The following DACH1 variants were observed in gnomAD, a reference collection of about 807,000 sequenced individuals.
DACH1 encodes dachshund family transcription factor 1.
A neutral mutation model predicts 54.2 loss-of-function variants in DACH1; 12 were observed. The ratio of observed to expected loss-of-function variants is 0.22; its 90% CI spans 0.14 to 0.36. DACH1 has a LOEUF of 0.36. Among genes scored for constraint, DACH1 ranks in the 10% least tolerant of loss-of-function variants. The probability of loss-of-function intolerance (pLI) is 1.00; values close to 1 mark genes in which losing one functional copy is unlikely to be tolerated. For missense variants in DACH1, 805 were observed against 929.8 expected (o/e 0.87, Z 1.75); for synonymous variants, 386 against 366.2 (o/e 1.05, Z -0.62).
intron 3 of DACH1, 138 bp from the exon 4 acceptor site, chr13:71,573,150 C>A: frequency 1.2e-6 from 1 of 801,686 alleles, no homozygotes. Flanking sequence ...TCACTTACTA[C>A]TCAGGGAAAC....
At chr13:71,558,346 T>C (rs943699667) in intron 5 of DACH1, among the ~76,000 whole-genome samples, 1 of 152,022 alleles carries the variant, frequency 6.6e-6, no homozygotes, top group African/African-American at 2.4e-5. Context: ...TACATATATA[T>C]GTATGTGTGT....
At chr13:71,533,200 T>C (rs1053335767) in intron 6 of DACH1, among the ~76,000 whole-genome samples, 3 of 151,896 alleles carry the variant, frequency 2.0e-5, no homozygotes, top group African/African-American at 4.8e-5. Context: ...TCAAAGCGTA[T>C]AAGATTTTTT....
intron 6 of DACH1, among the ~76,000 whole-genome samples, chr13:71,544,876 C>T (rs532097319): frequency 6.6e-6 from 1 of 151,936 alleles, no homozygotes; most frequent in Non-Finnish European, 1.5e-5. Flanking sequence ...AATCCAAGTC[C>T]TATGGATAGA....
intron 1 of DACH1, among the ~76,000 whole-genome samples, chr13:71,729,548 C>T (rs1451621254): frequency 6.6e-6 from 1 of 152,028 alleles, no homozygotes; most frequent in African/African-American, 2.4e-5. Flanking sequence ...CACTCTCTTG[C>T]TAGCATACTG....
chr13:71,604,945 G>C (rs1189241554), intron 3 of DACH1, among the ~76,000 whole-genome samples: 1 of 151,582 alleles, frequency 6.6e-6, no homozygotes, highest in Non-Finnish European at 1.5e-5. Flanking sequence ...ACTTCTCTTG[G>C]TCTCAGTTGT....
At chr13:71,641,070 A>G (rs189284800) in intron 2 of DACH1, among the ~76,000 whole-genome samples, 1 of 152,030 alleles carries the variant, frequency 6.6e-6, no homozygotes. Context: ...ACAAAAAAAA[A>G]CAAAAGAGGT....
At chr13:71,764,864 T>C (rs192659025) in intron 1 of DACH1, among the ~76,000 whole-genome samples, 2 of 152,378 alleles carry the variant, frequency 1.3e-5, no homozygotes, top group Admixed American at 1.3e-4. Flanking sequence ...GATTGGTCTT[T>C]GGACTTTGGA....
At chr13:71,802,775 CA>C in intron 1 of DACH1, among the ~76,000 whole-genome samples, 1 of 150,956 alleles carries the variant, frequency 6.6e-6, no homozygotes, top group South Asian at 2.2e-4. Flanking sequence ...CAAACACACT[CA>C]AAATGCAAAA....
At chr13:71,766,520 A>G (rs1020228649) in intron 1 of DACH1, among the ~76,000 whole-genome samples, 1 of 152,198 alleles carries the variant, frequency 6.6e-6, no homozygotes, top group Non-Finnish European at 1.5e-5. Flanking sequence ...AGTGATTGTA[A>G]CTATTTCTCC....
intron 6 of DACH1, among the ~76,000 whole-genome samples, chr13:71,515,447 A>G (rs1022353512): frequency 4.6e-5 from 7 of 151,938 alleles, no homozygotes; most frequent in Non-Finnish European, 7.4e-5. Context: ...TGTCTTAACT[A>G]TGTTCTTTCT....
intron 9 of DACH1, 25 bp from the exon 10 acceptor site, chr13:71,475,234 G>A (rs368863112): frequency 6.3e-7 from 1 of 1,593,904 alleles, no homozygotes; most frequent in Non-Finnish European, 8.6e-7. Context: ...AGGTAAGAGT[G>A]ACACATATTT....
chr13:71,837,660 T>A (rs1362658416), intron 1 of DACH1, among the ~76,000 whole-genome samples: 1 of 151,836 alleles, frequency 6.6e-6, no homozygotes, highest in East Asian at 2.0e-4. Flanking sequence ...AGAATCCCAT[T>A]ACTGGGTATA....
chr13:71,587,020 C>T (rs561478661), intron 3 of DACH1, among the ~76,000 whole-genome samples: 1 of 152,152 alleles, frequency 6.6e-6, no homozygotes, highest in Non-Finnish European at 1.5e-5. Context: ...TCAAGCAGGT[C>T]GCTACACATA....
chr13:71,743,497 A>G (rs1486739235), intron 1 of DACH1, among the ~76,000 whole-genome samples: 1 of 152,096 alleles, frequency 6.6e-6, no homozygotes, highest in Non-Finnish European at 1.5e-5. Context: ...AGTCCCTACA[A>G]CTCTATGAGG....
At position 71,624,910 on chromosome 13, in the gene DACH1, C is replaced by T. The variant is rs137858114; in HGVS notation, c.1126+5646G>A. On this transcript the variant is annotated intron_variant, in intron 3 of 10. Coordinates refer to ENST00000613252, the MANE Select transcript of DACH1 (RefSeq NM_080759.6). The stretch of plus-strand genomic sequence containing the variant: ...TTACAGCTGTGCACTCAATCCGGCT[C>T]CATCTCTTGAGTCTCGGCCCCTTTT... Among the ~76,000 whole-genome samples the T allele has an allele frequency of 7.2e-3, 1,097 of 151,916 alleles. 23 individuals carry two copies. Among genetic ancestry groups the T allele is most frequent in the Non-Finnish European group, 7.0e-3 (475 of 67,872 alleles).
intron 1 of DACH1, among the ~76,000 whole-genome samples, chr13:71,841,178 C>G (rs1400209923): frequency 6.6e-6 from 1 of 152,112 alleles, no homozygotes; most frequent in Non-Finnish European, 1.5e-5. Flanking sequence ...TCTAAACCTG[C>G]CTTTCATCTG....
rs184345122 is a variant in DACH1 at position 71,747,868 on chromosome 13, C to T, written c.849-65958G>A. On this transcript the variant is annotated intron_variant, in intron 1 of 10. Coordinates refer to ENST00000613252, the MANE Select transcript of DACH1 (RefSeq NM_080759.6). ...AGCACTGTAGCAGCTTTCTCAGGACCGATAGGTAGGACTTTGGAGACCACC... is the reference window on the plus strand; with the variant it reads ...AGCACTGTAGCAGCTTTCTCAGGACTGATAGGTAGGACTTTGGAGACCACC... Among the ~76,000 whole-genome samples, 190 of 152,104 alleles carry T rather than the reference C, an allele frequency of 1.2e-3. 1 individual carries two copies. Among genetic ancestry groups the T allele is most frequent in the Admixed American group, 0.011 (166 of 15,268 alleles).
intron 1 of DACH1, among the ~76,000 whole-genome samples, chr13:71,861,907 CAAAAAAAAA>C (rs71126514): frequency 0.018 from 1,556 of 86,500 alleles, 25 homozygotes; most frequent in South Asian, 0.056. Flanking sequence ...AACTCCTAAC[CAAAAAAAAA>C]AAAAAAAAAA....
intron 3 of DACH1, among the ~76,000 whole-genome samples, chr13:71,624,628 A>C (rs1876511336): frequency 6.6e-6 from 1 of 151,946 alleles, no homozygotes; most frequent in South Asian, 2.1e-4. Context: ...AAACAAAAAA[A>C]CTTTCTACAT....
Sources: gnomAD v4.1 joint callset for allele counts (sites outside exome capture counted in the v4.1 genomes callset) on GRCh38, gnomAD v4.1.1 for gene constraint, MANE v1.5 for transcripts, NCBI Gene and HGNC (gene_info 2026-07-23, HGNC 2026-07-21) for gene names.